Variants in GRAMD1B observed in about 807,000 individuals in gnomAD.
GRAMD1B encodes GRAM domain containing 1B.
GRAMD1B carries 37 observed loss-of-function variants against 99.7 expected under a neutral mutation model. The ratio of observed to expected loss-of-function variants is 0.37; its 90% CI spans 0.29 to 0.49. The LOEUF is 0.49. Ranked by LOEUF, GRAMD1B falls within the 20% of genes least tolerant of loss-of-function variation. GRAMD1B has a pLI of 0.98. For missense variants in GRAMD1B, 888 were observed against 1,009.2 expected (o/e 0.88, Z 1.63); for synonymous variants, 427 against 387.6 (o/e 1.10, Z -1.19).
chr11:123,459,580 G>C (rs537219166), intron 1 of GRAMD1B: 1 of 152,140 alleles, frequency 6.6e-6, no homozygotes, highest in East Asian at 1.9e-4. Context: ...AGGAATTGAA[G>C]ATAAAAGAAT....
chr11:123,459,207 TA>T (rs895102828), intron 1 of GRAMD1B: 4 of 144,676 alleles, frequency 2.8e-5, no homozygotes, highest in Admixed American at 6.9e-5. Flanking sequence ...CACTTCTATA[TA>T]TTTTTTTTTA....
At chr11:123,509,402 T>C (rs1940755750) in intron 2 of GRAMD1B, among the ~76,000 whole-genome samples, 1 of 152,222 alleles carries the variant, frequency 6.6e-6, no homozygotes, top group Non-Finnish European at 1.5e-5. Context: ...TACTTGGAGA[T>C]GCCTCAGGAA....
chr11:123,451,720 G>A (rs528061574), intron 1 of GRAMD1B, among the ~76,000 whole-genome samples: 11 of 152,146 alleles, frequency 7.2e-5, no homozygotes, highest in Admixed American at 3.9e-4. Context: ...TCCAAATCCC[G>A]CCAGCCAGCA....
At chr11:123,609,994 G>A (rs1041086493) in intron 13 of GRAMD1B, 81 bp downstream of exon 13, 5 of 943,546 alleles carry the variant, frequency 5.3e-6, no homozygotes, top group African/African-American at 3.3e-5. Flanking sequence ...CAGATGTCAG[G>A]AAGAAGTTTC....
At chr11:123,514,611 T>G (rs2135358661) in intron 2 of GRAMD1B, among the ~76,000 whole-genome samples, 1 of 152,214 alleles carries the variant, frequency 6.6e-6, no homozygotes, top group Non-Finnish European at 1.5e-5. Flanking sequence ...GACTGGTGCT[T>G]AGGATGCATG....
intron 2 of GRAMD1B, among the ~76,000 whole-genome samples, chr11:123,534,270 G>A (rs1943715766): frequency 6.6e-6 from 1 of 152,194 alleles, no homozygotes; most frequent in Non-Finnish European, 1.5e-5. Context: ...TCATTAAGTG[G>A]AAGCAGATTG....
At chr11:123,542,354 C>T (rs1286812562) in intron 2 of GRAMD1B, among the ~76,000 whole-genome samples, 2 of 152,140 alleles carry the variant, frequency 1.3e-5, no homozygotes, top group South Asian at 2.1e-4. Context: ...CCATAGGGAA[C>T]GTGGAAGGAA....
At chr11:123,371,339 A>C (rs1194468376) in intron 1 of GRAMD1B, among the ~76,000 whole-genome samples, 2 of 152,126 alleles carry the variant, frequency 1.3e-5, no homozygotes, top group Admixed American at 1.3e-4. Flanking sequence ...ATGTACAGGA[A>C]AAGAGCCCAG....
At position 123,569,438 on chromosome 11, in the gene GRAMD1B, C is replaced by T. The variant is rs117546890; in HGVS notation, c.453-7929C>T. Among the ~76,000 whole-genome samples the T allele has an allele frequency of 5.4e-3, 816 of 152,230 alleles. 7 individuals are homozygous for T. The highest frequency in any genetic ancestry group is 8.3e-3 in the Non-Finnish European group (562 of 68,024). On this transcript the variant is annotated intron_variant, in intron 2 of 19. Coordinates refer to ENST00000635736, the MANE Select transcript of GRAMD1B (RefSeq NM_001387025.1). ...GGTTGGGTCTGCCCTTCCCACCTGCCGTGACATGGGCACAGAATGTAGACT... is the reference window on the plus strand; with the variant it reads ...GGTTGGGTCTGCCCTTCCCACCTGCTGTGACATGGGCACAGAATGTAGACT...
chr11:123,365,976 A>G (rs1946307274), intron 1 of GRAMD1B, among the ~76,000 whole-genome samples: 1 of 152,174 alleles, frequency 6.6e-6, no homozygotes, highest in South Asian at 2.1e-4. Context: ...AAATTATAGG[A>G]GAATTTGAGG....
chr11:123,585,324 G>A (rs1365025239), intron 4 of GRAMD1B, among the ~76,000 whole-genome samples: 1 of 152,220 alleles, frequency 6.6e-6, no homozygotes, highest in Non-Finnish European at 1.5e-5. Context: ...GATCAATTGT[G>A]TGGGCTGTGT....
At chr11:123,550,716 A>G (rs1248291084) in intron 2 of GRAMD1B, among the ~76,000 whole-genome samples, 1 of 152,196 alleles carries the variant, frequency 6.6e-6, no homozygotes, top group Non-Finnish European at 1.5e-5. Flanking sequence ...ATCCAGGATT[A>G]AGAAAAGGTC....
At position 123,548,349 on chromosome 11, in the gene GRAMD1B, C is replaced by CACACAT. The variant is rs1184195342; in HGVS notation, c.453-29017_453-29016insCACATA. Among the ~76,000 whole-genome samples the CACACAT allele has an allele frequency of 6.9e-3, 738 of 107,166 alleles. 4 individuals carry two copies. The highest frequency in any genetic ancestry group is 0.032 in the African/African-American group (685 of 21,328). The allele number at this position is 107,166 out of a possible 152,430, so 70.3% of individuals were successfully genotyped here. ...ATACACACACACACACACACACACA[C>CACACAT]ATATATATATATATGTACACACACA... On this transcript the variant is annotated intron_variant, in intron 2 of 19. Transcript: ENST00000635736.
chr11:123,541,696 C>T (rs1004698692), intron 2 of GRAMD1B, among the ~76,000 whole-genome samples: 1 of 152,030 alleles, frequency 6.6e-6, no homozygotes, highest in African/African-American at 2.4e-5. Flanking sequence ...GATTTTTAGC[C>T]TATATAAGTT....
chr11:123,565,218 T>C (rs991430606), intron 2 of GRAMD1B, among the ~76,000 whole-genome samples: 7 of 151,482 alleles, frequency 4.6e-5, no homozygotes, highest in Non-Finnish European at 1.0e-4. Flanking sequence ...TTTTTTTTTT[T>C]TTTAGGGATG....
chr11:123,497,370 G>A (rs1939403507), intron 2 of GRAMD1B, among the ~76,000 whole-genome samples: 1 of 152,168 alleles, frequency 6.6e-6, no homozygotes, highest in Non-Finnish European at 1.5e-5. Flanking sequence ...TCAGACCTGA[G>A]GCCAGCACAC....
At chr11:123,546,641 A>G (rs944078743) in intron 2 of GRAMD1B, among the ~76,000 whole-genome samples, 6 of 152,238 alleles carry the variant, frequency 3.9e-5, no homozygotes, top group African/African-American at 1.4e-4. Context: ...GGTCGAGGAG[A>G]GAATTCTAAT....
chr11:123,599,428 G>A (rs532013343), intron 7 of GRAMD1B: 292 of 648,768 alleles, frequency 4.5e-4, no homozygotes, highest in Non-Finnish European at 7.5e-4. Context: ...TGATAGCACT[G>A]CTGCTGCTCC....
At chr11:123,585,648 G>T (rs1261722028) in intron 4 of GRAMD1B, among the ~76,000 whole-genome samples, 1 of 152,202 alleles carries the variant, frequency 6.6e-6, no homozygotes. Context: ...GGGGATGAGT[G>T]CTGAGCTTCC....
Sources: gnomAD v4.1 joint callset for allele counts (sites outside exome capture counted in the v4.1 genomes callset) on GRCh38, gnomAD v4.1.1 for gene constraint, MANE v1.5 for transcripts, NCBI Gene and HGNC (gene_info 2026-07-23, HGNC 2026-07-21) for gene names.